The following GABRB1 variants were observed in gnomAD, a reference collection of about 807,000 sequenced individuals.
The protein encoded by GABRB1 is gamma-aminobutyric acid receptor subunit beta-1.
Under a neutral mutation model 51.6 loss-of-function variants are expected in GABRB1, and 17 were observed. That is an observed-to-expected ratio of 0.33 (90% confidence interval 0.23 to 0.49). The LOEUF is 0.49. Among genes scored for constraint, GABRB1 ranks in the 20% least tolerant of loss-of-function variants. The pLI, the probability that GABRB1 is intolerant of heterozygous loss-of-function variation, is 0.99. For missense variants in GABRB1, 410 were observed against 600.6 expected (o/e 0.68, Z 3.32); for synonymous variants, 247 against 218.9 (o/e 1.13, Z -1.14).
intron 5 of GABRB1, among the ~76,000 whole-genome samples, chr4:47,371,227 G>A (rs190595557): frequency 6.6e-6 from 1 of 152,160 alleles, no homozygotes; most frequent in African/African-American, 2.4e-5. Context: ...TGAGGATAAC[G>A]GCTTCCAGTC....
chr4:47,051,629 A>C (rs1292674956), intron 3 of GABRB1, among the ~76,000 whole-genome samples: 1 of 152,178 alleles, frequency 6.6e-6, no homozygotes, highest in Non-Finnish European at 1.5e-5. Context: ...CATTGAGTAC[A>C]GGGAAGAGAA....
intron 3 of GABRB1, among the ~76,000 whole-genome samples, chr4:47,081,848 A>G (rs1727861357): frequency 6.6e-6 from 1 of 152,122 alleles, no homozygotes; most frequent in South Asian, 2.1e-4. Context: ...CCTTTGGGGA[A>G]AAATGAATTA....
intron 5 of GABRB1, among the ~76,000 whole-genome samples, chr4:47,382,138 C>A (rs552141370): frequency 6.6e-6 from 1 of 152,184 alleles, no homozygotes; most frequent in South Asian, 2.1e-4. Flanking sequence ...TGTTACATCA[C>A]CAAAACAAAT....
intron 5 of GABRB1, among the ~76,000 whole-genome samples, chr4:47,385,399 C>A (rs899166890): frequency 1.2e-4 from 19 of 152,174 alleles, no homozygotes; most frequent in Admixed American, 1.1e-3. Context: ...CATTTCTCAC[C>A]TGAGATTATT....
At chr4:47,099,988 G>A (rs1284497254) in intron 3 of GABRB1, among the ~76,000 whole-genome samples, 1 of 151,884 alleles carries the variant, frequency 6.6e-6, no homozygotes, top group African/African-American at 2.4e-5. Context: ...ACTACATTCA[G>A]AGATTATCAA....
chr4:47,140,476 CT>C (rs1362536896), intron 3 of GABRB1, among the ~76,000 whole-genome samples: 3 of 151,844 alleles, frequency 2.0e-5, no homozygotes, highest in Admixed American at 6.6e-5. Context: ...AAAAGAGCTC[CT>C]AAACACTTTT....
chr4:47,050,329 C>A (rs570074677), intron 3 of GABRB1, among the ~76,000 whole-genome samples: 1 of 152,114 alleles, frequency 6.6e-6, no homozygotes, highest in Admixed American at 6.5e-5. Flanking sequence ...AATCATCAGA[C>A]CAGTACATCA....
intron 3 of GABRB1, among the ~76,000 whole-genome samples, chr4:47,066,813 G>A (rs1727108628): frequency 6.6e-6 from 1 of 152,026 alleles, no homozygotes; most frequent in African/African-American, 2.4e-5. Context: ...TGTTACTGTT[G>A]ATATTTTCAC....
rs896545676 is a variant in GABRB1, at chr4:47,307,860, A to T, written c.462-12267A>T. The stretch of plus-strand genomic sequence containing the variant: ...GAAACACTTCATTCTGTTAGTAATT[A>T]AAAAATTTAAATCACAAAAGTACCA... On this transcript the variant is annotated intron_variant, in intron 4 of 8. Transcript: ENST00000295454. Among the ~76,000 whole-genome samples the T allele has an allele frequency of 2.6e-5, 4 of 152,140 alleles. No homozygotes were observed. In the South Asian group the frequency reaches 6.2e-4, roughly 24 times the overall value.
At chr4:47,042,542 A>G (rs1166041496) in intron 3 of GABRB1, among the ~76,000 whole-genome samples, 1 of 150,304 alleles carries the variant, frequency 6.7e-6, no homozygotes, top group African/African-American at 2.4e-5. Flanking sequence ...TTTTCCAAAT[A>G]TCATCTTACT....
intron 4 of GABRB1, among the ~76,000 whole-genome samples, chr4:47,256,190 G>A (rs1722192661): frequency 6.6e-6 from 1 of 152,118 alleles, no homozygotes; most frequent in Non-Finnish European, 1.5e-5. Context: ...TTAGTGAAGG[G>A]ATAGAAAAAG....
intron 3 of GABRB1, among the ~76,000 whole-genome samples, chr4:47,150,350 A>G: frequency 8.5e-6 from 1 of 117,388 alleles, no homozygotes; most frequent in African/African-American, 2.9e-5. Context: ...ACACGCACAT[A>G]CACACACACA....
chr4:47,383,226 A>G (rs1727655026), intron 5 of GABRB1, among the ~76,000 whole-genome samples: 1 of 152,240 alleles, frequency 6.6e-6, no homozygotes. Context: ...GCCATATTTG[A>G]AGACAGCTGA....
At chr4:47,407,012 A>G in intron 8 of GABRB1, 86 bp downstream of exon 8, 2 of 1,268,892 alleles carry the variant, frequency 1.6e-6, no homozygotes, top group African/African-American at 3.0e-5. Context: ...AAAAACGATT[A>G]ATAAAAAAAT....
intron 4 of GABRB1, among the ~76,000 whole-genome samples, chr4:47,201,780 A>G (rs1469534100): frequency 6.6e-6 from 1 of 152,202 alleles, no homozygotes; most frequent in Non-Finnish European, 1.5e-5. Context: ...TAGATCGAAG[A>G]GGAAAAATGT....
At chr4:47,237,881 TTGATTCTTTTTATG>T (rs1721385924) in intron 4 of GABRB1, among the ~76,000 whole-genome samples, 3 of 152,048 alleles carry the variant, frequency 2.0e-5, no homozygotes, top group Non-Finnish European at 4.4e-5. Context: ...TAAAAATACA[TTGATTCTTTTTATG>T]AGCATTTCAG....
At chr4:47,420,943 A>AACACACACACACACACAC (rs71654875) in intron 8 of GABRB1, among the ~76,000 whole-genome samples, 1 of 140,972 alleles carries the variant, frequency 7.1e-6, no homozygotes, top group African/African-American at 2.7e-5. Context: ...TACACACACA[A>AACACACACACACACACAC]ACACACACAC....
At chr4:47,237,346 A>C (rs1465251058) in intron 4 of GABRB1, among the ~76,000 whole-genome samples, 1 of 152,044 alleles carries the variant, frequency 6.6e-6, no homozygotes, top group African/African-American at 2.4e-5. Flanking sequence ...GAAAAACCAG[A>C]GAAATAAACT....
rs778550734 is a variant in GABRB1 at position 47,406,663 on chromosome 4, T to C, written c.836-19T>C. The C allele has an allele frequency of 3.4e-5, 55 of 1,613,848 alleles. No individual in the cohort carries two copies. The South Asian group carries it at 6.0e-4, about 18-fold the overall frequency. On this transcript the variant is annotated intron_variant, in intron 7 of 8. Coordinates refer to ENST00000295454, the MANE Select transcript of GABRB1 (RefSeq NM_000812.4). ...TAATAGTGGCACCTTCAGCTAAGTG[T>C]TGTCTTTCTCTTTCACAGGAATCAC...
Sources: allele counts gnomAD v4.1 joint callset (sites outside exome capture counted in the v4.1 genomes callset), GRCh38; gene constraint gnomAD v4.1.1; transcripts MANE v1.5; gene names NCBI Gene and HGNC (gene_info 2026-07-23, HGNC 2026-07-21).